The following DLG1 variants were observed in gnomAD, a reference collection of about 807,000 sequenced individuals.
The protein encoded by DLG1 is discs large MAGUK scaffold protein 1.
DLG1 carries 42 observed loss-of-function variants against 123.4 expected under a neutral mutation model. That is an observed-to-expected ratio of 0.34 (90% CI 0.27 to 0.44). DLG1 has a LOEUF of 0.44. DLG1 is among the 20% of genes least tolerant of loss of function. DLG1 has a pLI of 1.00. For synonymous variants in DLG1, 317 were observed against 356.2 expected, an observed-to-expected ratio of 0.89 and a Z score of 1.24; for missense variants, 942 against 1,082.6, an observed-to-expected ratio of 0.87 and a Z score of 1.82.
chr3:197,085,015 G>T (rs1753481844), intron 16 of DLG1, among the ~76,000 whole-genome samples: 1 of 151,448 alleles, frequency 6.6e-6, no homozygotes, highest in African/African-American at 2.4e-5. Flanking sequence ...TTGAACTCCT[G>T]ACCTCAAGTG....
At chr3:197,151,832 CAGG>C (rs74839947) in intron 5 of DLG1, among the ~76,000 whole-genome samples, 36,636 of 151,936 alleles carry the variant, frequency 0.24, 5,564 homozygotes, top group East Asian at 0.71. Context: ...CACTTGAAAC[CAGG>C]AGTTCAAAAC....
At chr3:197,169,911 G>A (rs746396501) in intron 5 of DLG1, among the ~76,000 whole-genome samples, 6 of 151,936 alleles carry the variant, frequency 3.9e-5, no homozygotes, top group South Asian at 2.1e-4. Flanking sequence ...CTCCCTCCTC[G>A]TACTCTCCAC....
chr3:197,287,346 T>C (rs1772372701), intron 3 of DLG1, among the ~76,000 whole-genome samples: 1 of 152,246 alleles, frequency 6.6e-6, no homozygotes, highest in Non-Finnish European at 1.5e-5. Context: ...AATTTTCAAA[T>C]GCATTAAAAT....
At chr3:197,065,858 C>A in intron 20 of DLG1, 49 bp from the exon 21 acceptor site, 1 of 1,202,704 alleles carries the variant, frequency 8.3e-7, no homozygotes, top group South Asian at 1.3e-5. Flanking sequence ...CAACAAATAT[C>A]AATGTATTTT....
chr3:197,138,668 T>C (rs928788995), intron 8 of DLG1, among the ~76,000 whole-genome samples: 3 of 152,356 alleles, frequency 2.0e-5, no homozygotes, highest in Non-Finnish European at 2.9e-5. Flanking sequence ...ATTTGCATAC[T>C]TCCTGCATGC....
chr3:197,248,404 G>A (rs73088452), intron 4 of DLG1, among the ~76,000 whole-genome samples: 4,054 of 152,218 alleles, frequency 0.027, 177 homozygotes, highest in African/African-American at 0.089. Context: ...AGTGGGACAC[G>A]TCTCCTAATG....
chr3:197,129,646 C>T (rs539623773), intron 11 of DLG1, among the ~76,000 whole-genome samples: 1 of 152,188 alleles, frequency 6.6e-6, no homozygotes, highest in Non-Finnish European at 1.5e-5. Flanking sequence ...ATTGAACATG[C>T]CTTCCTCACT....
intron 8 of DLG1, among the ~76,000 whole-genome samples, 157 bp downstream of exon 8, chr3:197,139,983 T>G (rs1387120660): frequency 6.6e-6 from 1 of 152,224 alleles, no homozygotes; most frequent in Non-Finnish European, 1.5e-5. Flanking sequence ...GCTTAGAGCA[T>G]AATTATCTCA....
chr3:197,279,707 A>G (rs1474565146), intron 4 of DLG1, among the ~76,000 whole-genome samples: 1 of 152,216 alleles, frequency 6.6e-6, no homozygotes, highest in Non-Finnish European at 1.5e-5. Context: ...TGAGTGCCTC[A>G]TCATTTTATA....
At chr3:197,154,378 TAA>T (rs1270062041) in intron 5 of DLG1, among the ~76,000 whole-genome samples, 2 of 151,418 alleles carry the variant, frequency 1.3e-5, no homozygotes, top group African/African-American at 4.9e-5. Context: ...AAGACTTTAT[TAA>T]AGAATTAAAA....
At chr3:197,190,290 A>G (rs1718558877) in intron 5 of DLG1, among the ~76,000 whole-genome samples, 1 of 152,070 alleles carries the variant, frequency 6.6e-6, no homozygotes, top group Non-Finnish European at 1.5e-5. Context: ...GTGCAGGAAA[A>G]TACCTCAAGC....
Position 197,211,004 on chromosome 3 carries a change from G to C in DLG1, c.319-16415C>G, listed in dbSNP as rs975454628. Among the ~76,000 whole-genome samples, 6 of 146,066 alleles carry C rather than the reference G, an allele frequency of 4.1e-5. 2 individuals are homozygous for C. Among genetic ancestry groups the C allele is most frequent in the Non-Finnish European group, 7.7e-5 (5 of 65,122 alleles). On this transcript the variant is annotated intron_variant, in intron 4 of 24. Coordinates refer to ENST00000667157, the MANE Select transcript of DLG1 (RefSeq NM_001366207.1). The stretch of plus-strand genomic sequence containing the variant: ...ATATGATTTATTTCAACAAGGCAAG[G>C]TTAGTTTAACATCTAAAAAATAAAT...
At chr3:197,188,634 T>C (rs1420826078) in intron 5 of DLG1, among the ~76,000 whole-genome samples, 1 of 152,114 alleles carries the variant, frequency 6.6e-6, no homozygotes, top group Non-Finnish European at 1.5e-5. Flanking sequence ...AATTATAAAA[T>C]AATAATTCAT....
In DLG1 at chr3:197,133,641, A is replaced by G. The variant is rs184115797; in HGVS notation, c.1020+2901T>C. Among the ~76,000 whole-genome samples, 521 of 152,358 alleles carry G rather than the reference A, an allele frequency of 3.4e-3. 4 individuals carry two copies. Among genetic ancestry groups the G allele is most frequent in the Middle Eastern group, 6.8e-3 (2 of 294 alleles). On this transcript the variant is annotated intron_variant, in intron 10 of 24. Coordinates refer to ENST00000667157, the MANE Select transcript of DLG1 (RefSeq NM_001366207.1). Reference sequence around the variant, plus strand: ...TGACCATCTACCAGAGTCGTCTTCTACACATTAAGAAACAGTGACCTTGGG... The same window carrying G: ...TGACCATCTACCAGAGTCGTCTTCTGCACATTAAGAAACAGTGACCTTGGG...
At chr3:197,276,797 A>T (rs1037463193) in intron 4 of DLG1, among the ~76,000 whole-genome samples, 1 of 152,158 alleles carries the variant, frequency 6.6e-6, no homozygotes, top group Non-Finnish European at 1.5e-5. Flanking sequence ...AGTCAGCAGC[A>T]TTTTTAACCT....
chr3:197,191,003 T>C (rs1293386701), intron 5 of DLG1, among the ~76,000 whole-genome samples: 1 of 151,952 alleles, frequency 6.6e-6, no homozygotes, highest in Non-Finnish European at 1.5e-5. Flanking sequence ...GAGCGAGACT[T>C]CAACTCAAAC....
At chr3:197,256,054 A>C (rs1756711282) in intron 4 of DLG1, among the ~76,000 whole-genome samples, 1 of 152,266 alleles carries the variant, frequency 6.6e-6, no homozygotes, top group Non-Finnish European at 1.5e-5. Flanking sequence ...CTGAACAGGA[A>C]GAATGGCGCT....
intron 20 of DLG1, 45 bp downstream of exon 20, chr3:197,066,659 T>C (rs754839202): frequency 3.5e-6 from 5 of 1,438,484 alleles, no homozygotes; most frequent in South Asian, 1.3e-5. Context: ...AATTAAAAAG[T>C]ATATTCTTCT....
intron 7 of DLG1, 152 bp downstream of exon 7, chr3:197,142,566 A>C (rs1221925805): frequency 2.2e-6 from 1 of 458,144 alleles, no homozygotes; most frequent in Admixed American, 4.4e-5. Context: ...GAAAAGGCAA[A>C]TGTTTTGAAA....
Sources: allele counts gnomAD v4.1 joint callset (sites outside exome capture counted in the v4.1 genomes callset), GRCh38; gene constraint gnomAD v4.1.1; transcripts MANE v1.5; gene names NCBI Gene and HGNC (gene_info 2026-07-23, HGNC 2026-07-21).